The following FAP variants were observed in gnomAD, a reference collection of about 807,000 sequenced individuals.
FAP encodes prolyl endopeptidase FAP.
A neutral mutation model predicts 126.5 loss-of-function variants in FAP; 110 were observed. The observed-to-expected ratio is 0.87, with a 90% confidence interval of 0.74 to 1.02. The LOEUF (loss-of-function observed/expected upper bound fraction) is 1.02, where lower values mean the gene tolerates loss of function less well. Ranked by LOEUF, FAP falls within the 50% of genes least tolerant of loss-of-function variation. The pLI, the probability that FAP is intolerant of heterozygous loss-of-function variation, is 0.00. For synonymous variants in FAP, 334 were observed against 297.3 expected (o/e 1.12, Z -1.27); for missense variants, 919 against 909.2 (o/e 1.01, Z -0.14).
At chr2:162,228,640 T>A (rs985690544) in intron 2 of FAP, among the ~76,000 whole-genome samples, 1 of 152,186 alleles carries the variant, frequency 6.6e-6, no homozygotes, top group Non-Finnish European at 1.5e-5. Flanking sequence ...TCTTTCTGTG[T>A]TATCTGTGCA....
chr2:162,203,921 G>A (rs893003540), intron 12 of FAP, among the ~76,000 whole-genome samples: 5 of 152,096 alleles, frequency 3.3e-5, no homozygotes, highest in African/African-American at 1.2e-4. Flanking sequence ...AAATAGTTTC[G>A]TATTTTTCCC....
intron 2 of FAP, among the ~76,000 whole-genome samples, chr2:162,240,976 G>A (rs1690324183): frequency 6.6e-6 from 1 of 152,104 alleles, no homozygotes; most frequent in African/African-American, 2.4e-5. Flanking sequence ...CTAACTTCAG[G>A]GCTGCCTGTG....
intron 5 of FAP, 92 bp downstream of exon 5, chr2:162,224,374 A>G: frequency 1.4e-6 from 1 of 734,062 alleles, no homozygotes. Context: ...TTAGAGATAA[A>G]GACAGACTCT....
intron 17 of FAP, among the ~76,000 whole-genome samples, chr2:162,191,041 T>C (rs1438081275): frequency 6.6e-6 from 1 of 152,152 alleles, no homozygotes; most frequent in Non-Finnish European, 1.5e-5. Flanking sequence ...TACACAATTC[T>C]AAGTACAGTA....
At chr2:162,211,790 T>C (rs1688945560) in intron 11 of FAP, among the ~76,000 whole-genome samples, 1 of 152,238 alleles carries the variant, frequency 6.6e-6, no homozygotes, top group Non-Finnish European at 1.5e-5. Context: ...ATCTCACTAA[T>C]ATAATTTTAT....
intron 21 of FAP, chr2:162,175,498 C>T (rs1576130542): frequency 6.6e-6 from 1 of 152,540 alleles, no homozygotes; most frequent in East Asian, 1.9e-4. Flanking sequence ...TAATTTAAGA[C>T]ATGGCCATAG....
chr2:162,230,211 A>T (rs1428502906), intron 2 of FAP, among the ~76,000 whole-genome samples: 1 of 152,224 alleles, frequency 6.6e-6, no homozygotes, highest in Non-Finnish European at 1.5e-5. Context: ...GTTCATAAAC[A>T]CAGTGAAGTA....
chr2:162,190,848 TCA>T (rs1020958772), intron 17 of FAP, among the ~76,000 whole-genome samples: 5 of 152,086 alleles, frequency 3.3e-5, no homozygotes, highest in African/African-American at 9.7e-5. Context: ...CTTGTAACTC[TCA>T]GTTTTCATAT....
At chr2:162,198,728 G>A in intron 16 of FAP, 29 bp downstream of exon 16, 4 of 1,612,572 alleles carry the variant, frequency 2.5e-6, no homozygotes, top group Non-Finnish European at 3.4e-6. Flanking sequence ...CTGTGGGGAT[G>A]CTGTGCTTAT....
intron 17 of FAP, among the ~76,000 whole-genome samples, 153 bp from the exon 18 acceptor site, chr2:162,189,907 C>T (rs764541969): frequency 6.6e-6 from 1 of 151,926 alleles, no homozygotes; most frequent in Non-Finnish European, 1.5e-5. Flanking sequence ...TATTTATAAT[C>T]CAGCCTTTAG....
rs763525452 is a variant in FAP at position 162,202,985 on chromosome 2, T to C, written c.1153-43A>G. 5 of 1,600,648 alleles carry C rather than the reference T, an allele frequency of 3.1e-6. No individual in the cohort carries two copies. In the South Asian group the frequency reaches 5.5e-5, roughly 18 times the overall value. Reference sequence around the variant, plus strand: ...TTATGTTGTGTGAAACTGAGCGTTATTTGAGCAACCTCAAGTGAATGATCT... The same window carrying C: ...TTATGTTGTGTGAAACTGAGCGTTACTTGAGCAACCTCAAGTGAATGATCT... On this transcript the variant is annotated intron_variant, in intron 13 of 25. Transcript: ENST00000188790.
rs929525169 is a variant in FAP at position 162,211,122 on chromosome 2, A to T, written c.1003-1126T>A. Among the ~76,000 whole-genome samples, 7 of 152,288 alleles carry T rather than the reference A, an allele frequency of 4.6e-5. No individual in the cohort carries two copies. In the Middle Eastern group the frequency reaches 0.014, roughly 296 times the overall value. Reference sequence around the variant, plus strand: ...AATGGTGTGTGAACAGAAATAACTCATGCTACTTTTAGGCCTAGCCCATAA... The same window carrying T: ...AATGGTGTGTGAACAGAAATAACTCTTGCTACTTTTAGGCCTAGCCCATAA... On this transcript the variant is annotated intron_variant, in intron 11 of 25. Transcript: ENST00000188790.
chr2:162,208,420 G>GT (rs779026199), intron 12 of FAP, among the ~76,000 whole-genome samples: 12 of 152,162 alleles, frequency 7.9e-5, no homozygotes, highest in Non-Finnish European at 1.6e-4. Flanking sequence ...GTGTTTCAGT[G>GT]TTTTGAACAC....
intron 6 of FAP, among the ~76,000 whole-genome samples, chr2:162,220,817 A>C (rs1172109728): frequency 6.6e-6 from 1 of 152,108 alleles, no homozygotes; most frequent in African/African-American, 2.4e-5. Context: ...TTACTTTTTG[A>C]CTTTTGTCAT....
chr2:162,173,534 G>A (rs1336243099), intron 23 of FAP, among the ~76,000 whole-genome samples, 189 bp downstream of exon 23: 1 of 152,062 alleles, frequency 6.6e-6, no homozygotes, highest in Non-Finnish European at 1.5e-5. Flanking sequence ...TTAGGGAAGG[G>A]AGGATGGGAA....
At position 162,213,932 on chromosome 2, in the gene FAP, C is replaced by T. The variant is rs763147481; in HGVS notation, c.1002+6G>A. 9 of 1,612,148 alleles carry T rather than the reference C, an allele frequency of 5.6e-6. No individual in the cohort carries two copies. In the African/African-American group the frequency reaches 8.0e-5, roughly 14 times the overall value. ...AATACGTATCTGTGATCTTAATATA[C>T]CCTACCTTTGGACAATCCCATGTCT... On this transcript the variant is annotated splice_donor_region_variant and intron_variant, in intron 11 of 25. Transcript: ENST00000188790.
At chr2:162,239,194 G>A (rs983814665) in intron 2 of FAP, among the ~76,000 whole-genome samples, 1 of 152,008 alleles carries the variant, frequency 6.6e-6, no homozygotes, top group African/African-American at 2.4e-5. Flanking sequence ...ACCATGCCCA[G>A]CTAATTTTTG....
rs371564730 is a variant in FAP, at chr2:162,186,280, C to T, written c.1814+1889G>A. On this transcript the variant is annotated intron_variant, in intron 20 of 25. Coordinates refer to ENST00000188790, the MANE Select transcript of FAP (RefSeq NM_004460.5). ...GTTTTCCCTATAGCAGGAAGACTTT[C>T]TTCAGATTCCATCCTAAAAATGGCT... Among the ~76,000 whole-genome samples the T allele has an allele frequency of 5.9e-5, 9 of 152,230 alleles. 1 individual carries two copies. The highest frequency in any genetic ancestry group is 1.9e-4 in the African/African-American group (8 of 41,556).
chr2:162,215,886 G>T lies in FAP; in HGVS notation c.866+12C>A, dbSNP rs144546573. The T allele has an allele frequency of 2.6e-5, 42 of 1,587,740 alleles. No individual in the cohort carries two copies. In the African/African-American group the frequency reaches 4.8e-4, roughly 18 times the overall value. ...TAGGATAGAAAGATGGGAGGGATCT[G>T]AGATGAACTACCTTGAGGCTATCAT... On this transcript the variant is annotated intron_variant, in intron 10 of 25. Transcript: ENST00000188790.
Sources: allele counts gnomAD v4.1 joint callset (sites outside exome capture counted in the v4.1 genomes callset), GRCh38; gene constraint gnomAD v4.1.1; transcripts MANE v1.5; gene names NCBI Gene and HGNC (gene_info 2026-07-23, HGNC 2026-07-21).